Variants in WDR86 observed in about 807,000 individuals in gnomAD.
WDR86 encodes WD repeat-containing protein 86.
In WDR86, 30 loss-of-function variants were observed where a neutral mutation model predicts 36.5. The observed-to-expected ratio is 0.82, with a 90% confidence interval of 0.61 to 1.11. The LOEUF (loss-of-function observed/expected upper bound fraction) is 1.11. Ranked by LOEUF, WDR86 falls within the 50% of genes most tolerant of loss-of-function variation. The probability of loss-of-function intolerance (pLI) is 0.00; values close to 1 mark genes in which losing one functional copy is unlikely to be tolerated. For missense variants in WDR86, 545 were observed against 561.2 expected (o/e 0.97, Z 0.29); for synonymous variants, 255 against 252.9 (o/e 1.01, Z -0.08).
downstream of WDR86, among the ~76,000 whole-genome samples, chr7:151,379,832 C>T (rs930162652): frequency 2.0e-5 from 3 of 152,120 alleles, no homozygotes; most frequent in African/African-American, 7.2e-5. Context: ...CAGGCCAGAG[C>T]GCAGCATCAC....
Position 151,388,358 on chromosome 7 carries a change from C to T in WDR86, c.727-3135G>A, listed in dbSNP as rs1049711881. Among the ~76,000 whole-genome samples the T allele has an allele frequency of 6.6e-6, 1 of 152,236 alleles. No individual in the cohort carries two copies. Among genetic ancestry groups the T allele is most frequent in the African/African-American group, 2.4e-5 (1 of 41,464 alleles). ...ACATCTCTGTAAAACCATGAAGGGA[C>T]AGGGCAGAGACTCTATCTCTCCTCC... On this transcript the variant is annotated intron_variant, in intron 3 of 5. Transcript: ENST00000334493. The surrounding 1 kb of genome is among the most constrained non-coding windows in gnomAD (Gnocchi z 4.2).
At position 151,395,904 on chromosome 7, in the gene WDR86, C is replaced by G. The variant is rs376444828; in HGVS notation, c.598G>C (p.Val200Leu). 5 of 1,602,000 alleles carry G rather than the reference C, an allele frequency of 3.1e-6. No individual in the cohort carries two copies. Among genetic ancestry groups the G allele is most frequent in the Non-Finnish European group, 4.2e-6 (5 of 1,176,954 alleles). Reference sequence around the variant, plus strand: ...GCCGTGTGGCCGGGCGTGTCTAGCACTAGGCACAGCACTGCACCCGTGTGG... The same window carrying G: ...GCCGTGTGGCCGGGCGTGTCTAGCAGTAGGCACAGCACTGCACCCGTGTGG... Reference protein sequence around the residue: ...RGHTGAVLCLVLDTPGHTAFT... With the variant: ...RGHTGAVLCLLLDTPGHTAFT... Residue 200 changes from valine to leucine, a missense_variant, in exon 3 of 6, where the codon GTG becomes CTG. Coordinates refer to ENST00000334493, the MANE Select transcript of WDR86 (RefSeq NM_198285.3).
the WDR86 span, among the ~76,000 whole-genome samples, chr7:151,370,277 T>TG: frequency 1.3e-5 from 2 of 151,946 alleles, no homozygotes; most frequent in Non-Finnish European, 2.9e-5. Context: ...TTAGTAGAGA[T>TG]GGGGTTTTAC....
Position 151,405,852 on chromosome 7 carries a change from C to G in WDR86, c.163+3575G>C, listed in dbSNP as rs10248613. On this transcript the variant is annotated intron_variant, in intron 1 of 5. Coordinates refer to ENST00000334493, the MANE Select transcript of WDR86 (RefSeq NM_198285.3). The surrounding 1 kb of genome is among the most constrained non-coding windows in gnomAD (Gnocchi z 4.7). ...CCCAGGAAATTAACAACAATCCCCG[C>G]CCCCTCATGTTAGAAGACGAGGAAG... Among the ~76,000 whole-genome samples the G allele has an allele frequency of 0.019, 2,855 of 152,266 alleles. 95 individuals carry two copies. The highest frequency in any genetic ancestry group is 0.065 in the African/African-American group (2,693 of 41,530).
chr7:151,380,414 T>C (rs955758205), downstream of WDR86, among the ~76,000 whole-genome samples: 1 of 64,470 alleles, frequency 1.6e-5, no homozygotes, highest in Non-Finnish European at 5.3e-5. Flanking sequence ...GCTGCTCCAC[T>C]TGAAGGGGCT....
Position 151,381,556 on chromosome 7 carries a change from C to T in WDR86, c.*26G>A. 7.2e-7 allele frequency: 1 copy of T among 1,383,766 alleles called. No homozygotes were observed. The highest frequency in any genetic ancestry group is 3.0e-5 in the East Asian group (1 of 32,792). The allele number at this position is 1,383,766 out of a possible 1,614,324, so 85.7% of individuals were successfully genotyped here. On this transcript the variant is annotated 3_prime_UTR_variant, in exon 6 of 6. Coordinates refer to ENST00000334493, the MANE Select transcript of WDR86 (RefSeq NM_198285.3). This position sits in a 1 kb window ranked among gnomAD's most constrained non-coding sequence, Gnocchi z 4.8. ...CTCTGGGAGCCGCTGGGTGTCTGGG[C>T]TGGCGTCTGCAGGGGCCCCGCGGGA...
At chr7:151,410,128 G>A (rs1264314829), upstream of WDR86, 1 of 960,710 alleles carries the variant, frequency 1.0e-6, no homozygotes, top group Non-Finnish European at 1.2e-6. Flanking sequence ...CGCGCCTGCA[G>A]CCTCCCCCCT....
At chr7:151,387,383 C>A (rs1585004996) in intron 3 of WDR86, among the ~76,000 whole-genome samples, 1 of 152,284 alleles carries the variant, frequency 6.6e-6, no homozygotes, top group East Asian at 1.9e-4. Context: ...TAGCACCCTG[C>A]CGAACATGAG....
At chr7:151,376,512 G>A (rs1798262340), downstream of WDR86, 1 of 920,666 alleles carries the variant, frequency 1.1e-6, no homozygotes, top group African/African-American at 1.7e-5. Flanking sequence ...TGTGCACAAA[G>A]GGCCATGGTG....
chr7:151,381,667 G>A lies in WDR86; in HGVS notation c.1046C>T (p.Pro349Leu), dbSNP rs886465924. The change falls in exon 6 of 6, where the codon CCG (proline) becomes CTG (leucine). Residue 349 changes from proline (P) to leucine (L), a missense_variant. Pro to Leu is a moderately conservative substitution (Grantham distance 98). Coordinates refer to ENST00000334493, the MANE Select transcript of WDR86 (RefSeq NM_198285.3). The surrounding 1 kb of genome is among the most constrained non-coding windows in gnomAD (Gnocchi z 4.8). ...GCTGCGCATGGGCGGAGGGGGCCGC[G>A]GGGCACCTCGGAGCCCGCGCACGTC... The part of the protein sequence containing the change: ...LWDVRGLRGA[P>L]RPPPPMRSLS... 18 of 1,411,338 alleles carry A rather than the reference G, an allele frequency of 1.3e-5. No individual in the cohort carries two copies. Among genetic ancestry groups the A allele is most frequent in the African/African-American group, 9.2e-5 (6 of 65,508 alleles). The allele number at this position is 1,411,338 out of a possible 1,614,324, so 87.4% of individuals were successfully genotyped here.
rs891304093 is a variant in WDR86 at position 151,409,230 on chromosome 7, A to AC, written c.163+196dup. 3 of 765,260 alleles carry AC rather than the reference A, an allele frequency of 3.9e-6. No homozygotes were observed. The African/African-American group carries it at 5.5e-5, about 14-fold the overall frequency. 47.4% of individuals were successfully genotyped at this position (765,260 alleles called of 1,614,324 possible). On this transcript the variant is annotated intron_variant, in intron 1 of 5. Coordinates refer to ENST00000334493, the MANE Select transcript of WDR86 (RefSeq NM_198285.3). This position sits in a 1 kb window ranked among gnomAD's most constrained non-coding sequence, Gnocchi z 5.2. ...GCACCCTGCTCTGCACCCGCACCCC[A>AC]CCCCCAGACCTCACCCTGCCCTGCC...
intron 3 of WDR86, among the ~76,000 whole-genome samples, chr7:151,395,183 C>T (rs568528608): frequency 1.2e-4 from 19 of 152,294 alleles, no homozygotes; most frequent in African/African-American, 3.9e-4. Flanking sequence ...CCCATGAGGA[C>T]GGAGCCCAGG....
intron 4 of WDR86, among the ~76,000 whole-genome samples, chr7:151,383,930 G>C (rs1242154503): frequency 2.0e-5 from 3 of 152,258 alleles, no homozygotes; most frequent in African/African-American, 4.8e-5. Context: ...GCCGGCCAGA[G>C]CCTTTGAGAG....
chr7:151,402,070 A>AAATATATAT, intron 1 of WDR86, among the ~76,000 whole-genome samples: 27 of 50,544 alleles, frequency 5.3e-4, no homozygotes, highest in East Asian at 2.0e-3. Context: ...AAAAAAAAAA[A>AAATATATAT]ATATATATAT....
intron 3 of WDR86, among the ~76,000 whole-genome samples, 192 bp downstream of exon 3, chr7:151,395,584 C>T (rs142497086): frequency 3.9e-5 from 6 of 152,214 alleles, no homozygotes; most frequent in Admixed American, 1.3e-4. Context: ...AGAGGCCTCA[C>T]GGAAACCAGT....
intron 1 of WDR86, among the ~76,000 whole-genome samples, chr7:151,404,558 G>A (rs893263576): frequency 6.6e-6 from 1 of 152,198 alleles, no homozygotes; most frequent in Non-Finnish European, 1.5e-5. Context: ...CTGGAGCTGA[G>A]GCCCCCACCC....
At chr7:151,387,339 C>A (rs1741199307) in intron 3 of WDR86, among the ~76,000 whole-genome samples, 1 of 152,172 alleles carries the variant, frequency 6.6e-6, no homozygotes, top group African/African-American at 2.4e-5. Context: ...CCTCACCACA[C>A]AGGGCCTGTG....
downstream of WDR86, chr7:151,377,264 T>C (rs779473734): frequency 5.9e-6 from 8 of 1,363,930 alleles, no homozygotes; most frequent in African/African-American, 1.5e-5. Context: ...TGCTTATAAA[T>C]GCTATCATTA....
intron 1 of WDR86, among the ~76,000 whole-genome samples, chr7:151,408,194 CTTTTCTT>C (rs1247973422): frequency 3.2e-5 from 4 of 124,646 alleles, no homozygotes; most frequent in South Asian, 2.6e-4. Context: ...TTTTTCTTTT[CTTTTCTT>C]TTTTTTTTTT....
Sources: allele counts gnomAD v4.1 joint callset (sites outside exome capture counted in the v4.1 genomes callset), GRCh38; gene constraint gnomAD v4.1.1; non-coding constraint Gnocchi (gnomAD v3.1); transcripts MANE v1.5; gene names NCBI Gene and HGNC (gene_info 2026-07-23, HGNC 2026-07-21).